The following SLC9A7 variants were observed in gnomAD, a reference collection of about 807,000 sequenced individuals.
SLC9A7 encodes solute carrier family 9 member A7.
Under a neutral mutation model 52.6 loss-of-function variants are expected in SLC9A7, and 19 were observed. The ratio of observed to expected loss-of-function variants is 0.36; its 90% CI spans 0.25 to 0.53. The LOEUF (loss-of-function observed/expected upper bound fraction) is 0.53, where lower values mean the gene tolerates loss of function less well. Among genes scored for constraint, SLC9A7 ranks in the 20% least tolerant of loss-of-function variants. SLC9A7 has a pLI of 0.91. For missense variants in SLC9A7, 455 were observed against 597.9 expected, an observed-to-expected ratio of 0.76 and a Z score of 2.49; for synonymous variants, 226 against 252.1, an observed-to-expected ratio of 0.90 and a Z score of 0.98.
At chrX:46,646,834 T>C (rs907253892) in intron 11 of SLC9A7, 2 of 332,367 alleles carry the variant, frequency 6.0e-6, no homozygotes, top group African/African-American at 5.3e-5. Context: ...TCTGGGGAAC[T>C]ATTTCTTCAT....
At chrX:46,694,329 G>T (rs1435998624) in intron 1 of SLC9A7, among the ~76,000 whole-genome samples, 1 of 110,299 alleles carries the variant, frequency 9.1e-6, no homozygotes, top group Non-Finnish European at 1.9e-5. Flanking sequence ...AGAAAATGAC[G>T]AGGAAAAAAC....
intron 5 of SLC9A7, among the ~76,000 whole-genome samples, chrX:46,667,564 TGTGGCTACTG>T (rs1943942033): frequency 8.9e-6 from 1 of 111,870 alleles, no homozygotes; most frequent in African/African-American, 3.3e-5. Flanking sequence ...AAAAGCCACA[TGTGGCTACTG>T]GTTACCACAA....
intron 1 of SLC9A7, among the ~76,000 whole-genome samples, chrX:46,722,232 T>TA (rs888445881): frequency 3.6e-5 from 4 of 112,092 alleles, no homozygotes; most frequent in Non-Finnish European, 5.6e-5. Flanking sequence ...AGCCTTAACT[T>TA]AGAGTTTTAT....
intron 1 of SLC9A7, among the ~76,000 whole-genome samples, chrX:46,691,980 C>T (rs1157935059): frequency 9.0e-6 from 1 of 111,366 alleles, no homozygotes; most frequent in Non-Finnish European, 1.9e-5. Flanking sequence ...TTTAGCAAAA[C>T]ACATAATGAT....
chrX:46,728,165 C>G (rs1944974464), intron 1 of SLC9A7, among the ~76,000 whole-genome samples: 1 of 111,588 alleles, frequency 9.0e-6, no homozygotes, highest in Non-Finnish European at 1.9e-5. Context: ...ATAAACAGGA[C>G]TTTGTCAAAA....
In SLC9A7 at chrX:46,738,782, C is replaced by A. The variant is rs550040070; in HGVS notation, c.325+19923G>T. On this transcript the variant is annotated intron_variant, in intron 1 of 16. Transcript: ENST00000616978. The stretch of plus-strand genomic sequence containing the variant: ...AAGACTCCATCTCAAAAAAAAAAAA[C>A]AAAACAAACAAACAAACACCAAATA... Among the ~76,000 whole-genome samples, 478 of 106,225 alleles carry A rather than the reference C, an allele frequency of 4.5e-3. 2 individuals are homozygous for A. The highest frequency in any genetic ancestry group is 0.025 in the Middle Eastern group (5 of 202). The allele number at this position is 106,225 out of a possible 115,157, so 92.2% of individuals were successfully genotyped here.
intron 1 of SLC9A7, among the ~76,000 whole-genome samples, chrX:46,697,506 T>C (rs1333843181): frequency 8.9e-6 from 1 of 112,039 alleles, no homozygotes; most frequent in African/African-American, 3.2e-5. Flanking sequence ...TATGCCTGTC[T>C]TTACTGCAAT....
At position 46,705,498 on chromosome X, in the gene SLC9A7, G is replaced by A. The variant is rs924883082; in HGVS notation, c.326-22963C>T. ...GTGGTGGCTCACGCCTGTAATTCCA[G>A]CACTTTGGAAGGCTGAGGTGGGAGG... is the stretch of plus-strand genomic sequence containing the variant. On this transcript the variant is annotated intron_variant, in intron 1 of 16. Transcript: ENST00000616978. 2.7e-5 allele frequency among the ~76,000 whole-genome samples: 3 copies of A among 112,126 alleles called. No homozygotes were observed. The Admixed American group carries it at 2.8e-4, about 11-fold the overall frequency.
chrX:46,727,400 G>A (rs1441633605), intron 1 of SLC9A7, among the ~76,000 whole-genome samples: 3 of 111,986 alleles, frequency 2.7e-5, no homozygotes, highest in African/African-American at 6.5e-5. Context: ...AATGAAGCTG[G>A]GTCACAATTA....
chrX:46,640,782 C>T (rs1943394293), intron 12 of SLC9A7, among the ~76,000 whole-genome samples: 1 of 112,456 alleles, frequency 8.9e-6, no homozygotes, highest in Non-Finnish European at 1.9e-5. Flanking sequence ...CACATGAAGT[C>T]ATGCTTAATA....
intron 16 of SLC9A7, 118 bp from the exon 17 acceptor site, chrX:46,607,321 C>T (rs1019590509): frequency 5.8e-6 from 5 of 861,936 alleles, no homozygotes; most frequent in Non-Finnish European, 8.0e-6. Context: ...ATGAAACTTG[C>T]CTGCCTTGAG....
At chrX:46,660,541 C>A (rs1049103837) in intron 7 of SLC9A7, among the ~76,000 whole-genome samples, 7 of 110,382 alleles carry the variant, frequency 6.3e-5, no homozygotes, top group African/African-American at 2.3e-4. Context: ...ACAAACAACC[C>A]CATCAAAAAG....
At chrX:46,619,283 T>TG (rs1218874618) in intron 15 of SLC9A7, among the ~76,000 whole-genome samples, 1 of 111,978 alleles carries the variant, frequency 8.9e-6, no homozygotes, top group African/African-American at 3.2e-5. Flanking sequence ...GTGGAGTAAC[T>TG]GGAACTCTCA....
rs1943841508 is a variant in SLC9A7 at position 46,662,531 on chromosome X, T to C, written c.899+7A>G. On this transcript the variant is annotated splice_region_variant and intron_variant, in intron 6 of 16. Coordinates refer to ENST00000616978, the MANE Select transcript of SLC9A7 (RefSeq NM_001257291.2). ...GTCTCTTCTCCAGCAGAAACACTGC[T>C]ACTTACGAGGACAGTACAATGGCAA... is the stretch of plus-strand genomic sequence containing the variant. 3.4e-6 allele frequency: 4 copies of C among 1,184,652 alleles called. No homozygotes were observed. The highest frequency in any genetic ancestry group is 3.4e-6 in the Non-Finnish European group (3 of 872,220).
intron 1 of SLC9A7, among the ~76,000 whole-genome samples, chrX:46,739,970 CTT>C (rs1428775764): frequency 9.0e-6 from 1 of 111,661 alleles, no homozygotes; most frequent in Non-Finnish European, 1.9e-5. Context: ...TGAATGCAAT[CTT>C]TTCTTTCCCC....
chrX:46,748,556 T>TGC (rs1921997104), intron 1 of SLC9A7, among the ~76,000 whole-genome samples: 1 of 60,860 alleles, frequency 1.6e-5, no homozygotes, highest in Non-Finnish European at 3.3e-5. Context: ...TGTGTGTGTG[T>TGC]GTGTGCGTGT....
chrX:46,713,079 G>C (rs1278753130), intron 1 of SLC9A7, among the ~76,000 whole-genome samples: 5 of 112,549 alleles, frequency 4.4e-5, no homozygotes, highest in Non-Finnish European at 9.4e-5. Flanking sequence ...TCTGATAAGA[G>C]GGAATAACCA....
intron 1 of SLC9A7, among the ~76,000 whole-genome samples, chrX:46,748,406 A>C (rs1404351491): frequency 2.9e-5 from 3 of 102,481 alleles, no homozygotes; most frequent in Non-Finnish European, 6.0e-5. Context: ...GAAGGAAGGA[A>C]GGAAGGAAGG....
chrX:46,708,168 T>C (rs1324317050), intron 1 of SLC9A7, among the ~76,000 whole-genome samples: 1 of 111,057 alleles, frequency 9.0e-6, no homozygotes, highest in Non-Finnish European at 1.9e-5. Flanking sequence ...AAAAGAAAAA[T>C]TAAGCCACGA....
Sources: gnomAD v4.1 joint callset for allele counts (sites outside exome capture counted in the v4.1 genomes callset) on GRCh38, gnomAD v4.1.1 for gene constraint, MANE v1.5 for transcripts, NCBI Gene and HGNC (gene_info 2026-07-23, HGNC 2026-07-21) for gene names.